SIPA1L1: variants seen among roughly 807,000 people sequenced by gnomAD.
SIPA1L1 encodes signal induced proliferation associated 1 like 1, also known as signal-induced proliferation-associated 1-like protein 1.
SIPA1L1 carries 26 observed loss-of-function variants against 162.7 expected under a neutral mutation model. The ratio of observed to expected loss-of-function variants is 0.16; its 90% CI spans 0.12 to 0.22. The LOEUF (loss-of-function observed/expected upper bound fraction) is 0.22. Among genes scored for constraint, SIPA1L1 ranks in the 10% least tolerant of loss-of-function variants. The pLI, the probability that SIPA1L1 is intolerant of heterozygous loss-of-function variation, is 1.00. For synonymous variants in SIPA1L1, 829 were observed against 837.4 expected, an observed-to-expected ratio of 0.99 and a Z score of 0.17; for missense variants, 1,874 against 2,241.0, an observed-to-expected ratio of 0.84 and a Z score of 3.31.
intron 4 of SIPA1L1, among the ~76,000 whole-genome samples, chr14:71,531,694 A>G (rs576888578): frequency 2.7e-4 from 41 of 152,160 alleles, no homozygotes; most frequent in African/African-American, 9.6e-4. Flanking sequence ...CCTCCCAATT[A>G]GCTGGGAATA....
At chr14:71,409,431 A>G (rs927735055) in intron 2 of SIPA1L1, among the ~76,000 whole-genome samples, 2 of 152,202 alleles carry the variant, frequency 1.3e-5, no homozygotes, top group Admixed American at 1.3e-4. Context: ...GGAAGGCATT[A>G]TATGACATGT....
chr14:71,408,442 C>CGAAA (rs1213431237), intron 2 of SIPA1L1, among the ~76,000 whole-genome samples: 5 of 152,172 alleles, frequency 3.3e-5, no homozygotes. Flanking sequence ...TCCTGTCCCC[C>CGAAA]AGTTTCAGAA....
At chr14:71,577,094 A>G (rs979418200) in intron 4 of SIPA1L1, among the ~76,000 whole-genome samples, 18 of 151,720 alleles carry the variant, frequency 1.2e-4, no homozygotes, top group African/African-American at 3.6e-4. Flanking sequence ...AAGAAGAAAA[A>G]GAAAATAATG....
intron 2 of SIPA1L1, among the ~76,000 whole-genome samples, chr14:71,328,993 CT>C (rs1323458525): frequency 1.3e-5 from 2 of 152,172 alleles, no homozygotes; most frequent in African/African-American, 4.8e-5. Context: ...AATCTGGCTA[CT>C]TTAGGTAACC....
chr14:71,398,008 AATTTTTTTTTTTTT>A (rs2041355376), intron 2 of SIPA1L1, among the ~76,000 whole-genome samples: 1 of 88,706 alleles, frequency 1.1e-5, no homozygotes, highest in African/African-American at 4.7e-5. Context: ...CAAAAAAAAA[AATTTTTTTTTTTTT>A]TTTTTTTTTT....
In SIPA1L1 at chr14:71,543,529, C is replaced by T. The variant is rs536520832; in HGVS notation, c.-303+14159C>T. The stretch of plus-strand genomic sequence containing the variant: ...CAGCAATTCATGAGGGTTCCAGTTG[C>T]TCCACATTTCTTACCAGTATTTGGT... On this transcript the variant is annotated intron_variant, in intron 4 of 23. Coordinates refer to ENST00000381232, the MANE Select transcript of SIPA1L1 (RefSeq NM_001386936.1). Among the ~76,000 whole-genome samples, 98 of 152,250 alleles carry T rather than the reference C, an allele frequency of 6.4e-4. 1 individual carries two copies. The highest frequency in any genetic ancestry group is 2.3e-3 in the South Asian group (11 of 4,828).
At position 71,709,490 on chromosome 14, in the gene SIPA1L1, C is replaced by A; in HGVS notation, c.4034C>A (p.Ser1345Tyr). The part of the protein sequence containing the change: ...KEKVAPLWHS[S>Y]SEVISMADRT... ...AAAGTGGCACCCCTATGGCACAGCT[C>A]CAGTGAAGTAATCTCCATGGCAGAT... The change falls in exon 17 of 24, where the codon TCC (serine) becomes TAC (tyrosine). Residue 1345 changes from serine to tyrosine, a missense_variant. Physicochemically the swap from Ser to Tyr is moderately radical, Grantham distance 144. This residue lies in a region of SIPA1L1 where 936 missense variants were observed against 1,051.9 expected (regional missense o/e 0.89). Transcript: ENST00000381232. The A allele has an allele frequency of 6.2e-7, 1 of 1,614,202 alleles. No individual in the cohort carries two copies. The highest frequency in any genetic ancestry group is 8.5e-7 in the Non-Finnish European group (1 of 1,180,028).
intron 4 of SIPA1L1, among the ~76,000 whole-genome samples, chr14:71,551,455 T>C (rs1406858283): frequency 6.6e-6 from 1 of 152,232 alleles, no homozygotes; most frequent in East Asian, 1.9e-4. Flanking sequence ...TCAGCAGTTA[T>C]CCCTGATTCA....
intron 3 of SIPA1L1, chr14:71,528,866 A>G (rs2053156546): frequency 6.6e-6 from 1 of 152,364 alleles, no homozygotes; most frequent in South Asian, 2.1e-4. Flanking sequence ...TAATCCCAGC[A>G]CTTTGGGCGG....
chr14:71,369,756 AT>A (rs2038700950), intron 2 of SIPA1L1, among the ~76,000 whole-genome samples: 1 of 141,776 alleles, frequency 7.1e-6, no homozygotes, highest in Non-Finnish European at 1.5e-5. Context: ...CTTGGGCAGT[AT>A]GGCCATTTTC....
At chr14:71,550,040 C>CT (rs1051487120) in intron 4 of SIPA1L1, among the ~76,000 whole-genome samples, 19 of 151,660 alleles carry the variant, frequency 1.3e-4, no homozygotes, top group Non-Finnish European at 2.2e-4. Flanking sequence ...AGGAGAATCA[C>CT]TTGAAGCCAA....
intron 2 of SIPA1L1, among the ~76,000 whole-genome samples, chr14:71,389,211 T>G (rs1041472049): frequency 2.0e-5 from 3 of 152,270 alleles, no homozygotes; most frequent in East Asian, 1.9e-4. Flanking sequence ...AACAGACCCC[T>G]AGGAGATGGG....
intron 2 of SIPA1L1, among the ~76,000 whole-genome samples, chr14:71,499,336 C>G (rs972801537): frequency 2.0e-5 from 3 of 151,952 alleles, no homozygotes; most frequent in Non-Finnish European, 4.4e-5. Flanking sequence ...CAGTGAGACC[C>G]TGTCTCAAAA....
chr14:71,409,711 G>A (rs1233839119), intron 2 of SIPA1L1, among the ~76,000 whole-genome samples: 1 of 152,140 alleles, frequency 6.6e-6, no homozygotes, highest in East Asian at 1.9e-4. Flanking sequence ...CTTGTTTATA[G>A]AAATTACTCA....
At chr14:71,402,444 G>T (rs1422005362) in intron 2 of SIPA1L1, among the ~76,000 whole-genome samples, 1 of 151,870 alleles carries the variant, frequency 6.6e-6, no homozygotes. Context: ...CGCCTCCCGG[G>T]TTCAAGTGAT....
intron 7 of SIPA1L1, among the ~76,000 whole-genome samples, chr14:71,638,321 A>G (rs1437762022): frequency 6.6e-6 from 1 of 152,218 alleles, no homozygotes; most frequent in Admixed American, 6.5e-5. Context: ...ATAATAAAGT[A>G]GAAAAAAATT....
chr14:71,714,840 C>A (rs1373415163), intron 17 of SIPA1L1, among the ~76,000 whole-genome samples: 2 of 152,196 alleles, frequency 1.3e-5, no homozygotes, highest in African/African-American at 4.8e-5. Context: ...CCTTGGCCTC[C>A]CATAGTGCAG....
chr14:71,432,061 T>G (rs2044027629), intron 2 of SIPA1L1, among the ~76,000 whole-genome samples: 1 of 151,990 alleles, frequency 6.6e-6, no homozygotes, highest in South Asian at 2.1e-4. Context: ...CTTCTTGCTT[T>G]CTTTTTTTCT....
intron 13 of SIPA1L1, among the ~76,000 whole-genome samples, chr14:71,685,904 A>G (rs2046252760): frequency 6.6e-6 from 1 of 152,186 alleles, no homozygotes; most frequent in African/African-American, 2.4e-5. Flanking sequence ...TCGTTACTGC[A>G]TGCTTAGTGG....
Sources: allele counts gnomAD v4.1 joint callset (sites outside exome capture counted in the v4.1 genomes callset), GRCh38; gene constraint gnomAD v4.1.1; regional missense constraint gnomAD v4.1.1; transcripts MANE v1.5; gene names NCBI Gene and HGNC (gene_info 2026-07-23, HGNC 2026-07-21).